Variants in SNTG1 observed in about 807,000 individuals in gnomAD.
SNTG1 encodes syntrophin gamma 1, also known as gamma-1-syntrophin.
A neutral mutation model predicts 74.7 loss-of-function variants in SNTG1; 39 were observed. That is an observed-to-expected ratio of 0.52 (90% CI 0.40 to 0.68). The LOEUF is 0.68. SNTG1 is among the 30% of genes least tolerant of loss of function. The probability of loss-of-function intolerance (pLI) is 0.00; values close to 1 mark genes in which losing one functional copy is unlikely to be tolerated. For missense variants in SNTG1, 685 were observed against 609.5 expected (o/e 1.12, Z -1.30); for synonymous variants, 254 against 217.1 (o/e 1.17, Z -1.49).
chr8:50,167,438 A>G (rs377572276), intron 1 of SNTG1, among the ~76,000 whole-genome samples: 1 of 151,770 alleles, frequency 6.6e-6, no homozygotes, highest in Admixed American at 6.6e-5. Context: ...AAAACCTTTC[A>G]TATCACATTC....
At chr8:50,736,612 A>C (rs1298245845) in intron 17 of SNTG1, among the ~76,000 whole-genome samples, 1 of 152,128 alleles carries the variant, frequency 6.6e-6, no homozygotes, top group Non-Finnish European at 1.5e-5. Context: ...CCCCAAATCA[A>C]CAGAAGATAC....
At chr8:50,232,334 T>C (rs2085671757) in intron 2 of SNTG1, among the ~76,000 whole-genome samples, 1 of 151,322 alleles carries the variant, frequency 6.6e-6, no homozygotes, top group South Asian at 2.1e-4. Flanking sequence ...TTTATCAGGC[T>C]AAAAGGAAAA....
chr8:50,272,562 G>A (rs542953597), intron 2 of SNTG1, among the ~76,000 whole-genome samples: 3 of 152,228 alleles, frequency 2.0e-5, no homozygotes, highest in African/African-American at 7.2e-5. Context: ...CTTGCTTGAC[G>A]GGTATAGATG....
chr8:50,004,710 G>C (rs547388037), intron 1 of SNTG1, among the ~76,000 whole-genome samples: 1 of 152,302 alleles, frequency 6.6e-6, no homozygotes, highest in East Asian at 1.9e-4. Context: ...GATTTCTGGA[G>C]CCTTTAGAGA....
intron 9 of SNTG1, among the ~76,000 whole-genome samples, chr8:50,509,301 C>T (rs1430025611): frequency 1.3e-5 from 2 of 152,142 alleles, no homozygotes; most frequent in Admixed American, 1.3e-4. Context: ...GGTACCAGTA[C>T]CATGCTGTTT....
intron 2 of SNTG1, among the ~76,000 whole-genome samples, chr8:50,284,000 T>A (rs2088619995): frequency 6.6e-6 from 1 of 152,098 alleles, no homozygotes; most frequent in Non-Finnish European, 1.5e-5. Context: ...TGCATACTTA[T>A]TCAGATTTCA....
At position 50,362,769 on chromosome 8, in the gene SNTG1, T is replaced by C. The variant is rs138139975; in HGVS notation, c.-27-31443T>C. On this transcript the variant is annotated intron_variant, in intron 2 of 18. Coordinates refer to ENST00000642720, the MANE Select transcript of SNTG1 (RefSeq NM_018967.5). ...ATATCAGGTGCTATGCTTTGTTATA[T>C]ATGGTGAGTTTTATGGGAAGTATAC... Among the ~76,000 whole-genome samples, 434 of 152,280 alleles carry C rather than the reference T, an allele frequency of 2.9e-3. 3 individuals are homozygous for C. The highest frequency in any genetic ancestry group is 9.9e-3 in the African/African-American group (413 of 41,564).
intron 15 of SNTG1, among the ~76,000 whole-genome samples, chr8:50,703,781 G>T (rs2095434262): frequency 1.3e-5 from 2 of 152,046 alleles, no homozygotes; most frequent in South Asian, 4.1e-4. Context: ...CATTACAACG[G>T]CTATGACATT....
At chr8:50,308,895 G>GT (rs1268515152) in intron 2 of SNTG1, among the ~76,000 whole-genome samples, 4 of 150,324 alleles carry the variant, frequency 2.7e-5, no homozygotes, top group African/African-American at 9.8e-5. Context: ...TACAAATGAT[G>GT]TTTTGTTTTT....
chr8:50,401,430 AC>A (rs1348327845), intron 3 of SNTG1, among the ~76,000 whole-genome samples: 1 of 152,210 alleles, frequency 6.6e-6, no homozygotes, highest in Non-Finnish European at 1.5e-5. Context: ...AGAAATCTTT[AC>A]AGTCTGTTTT....
chr8:50,385,088 C>A (rs572677263), intron 2 of SNTG1, among the ~76,000 whole-genome samples: 1 of 152,258 alleles, frequency 6.6e-6, no homozygotes, highest in South Asian at 2.1e-4. Context: ...CAGGGACATG[C>A]CAAAGGCTCT....
intron 2 of SNTG1, among the ~76,000 whole-genome samples, chr8:50,181,239 C>T (rs1439277126): frequency 1.3e-5 from 2 of 152,238 alleles, no homozygotes; most frequent in Non-Finnish European, 2.9e-5. Flanking sequence ...TGCTTTTACA[C>T]ATGCCCCATC....
chr8:50,217,369 C>A (rs1317681644), intron 2 of SNTG1, among the ~76,000 whole-genome samples: 1 of 151,888 alleles, frequency 6.6e-6, no homozygotes, highest in Non-Finnish European at 1.5e-5. Flanking sequence ...AGGGATAAAG[C>A]ACTATATATA....
chr8:50,459,650 A>G (rs540489741), intron 8 of SNTG1, among the ~76,000 whole-genome samples: 2 of 152,202 alleles, frequency 1.3e-5, no homozygotes, highest in South Asian at 4.2e-4. Context: ...TTACTCAACA[A>G]TAAGTTGTTC....
intron 2 of SNTG1, among the ~76,000 whole-genome samples, chr8:50,352,841 G>A (rs1239969152): frequency 1.3e-5 from 2 of 152,172 alleles, no homozygotes; most frequent in African/African-American, 2.4e-5. Context: ...TTGGAAGACA[G>A]TGTGTCAATT....
chr8:50,031,684 G>A (rs1817749971), intron 1 of SNTG1, among the ~76,000 whole-genome samples: 1 of 152,012 alleles, frequency 6.6e-6, no homozygotes, highest in Non-Finnish European at 1.5e-5. Flanking sequence ...AACTACCCTT[G>A]GATGTAGTGT....
intron 2 of SNTG1, among the ~76,000 whole-genome samples, chr8:50,377,326 C>T (rs1054585803): frequency 6.6e-6 from 1 of 152,132 alleles, no homozygotes; most frequent in Non-Finnish European, 1.5e-5. Context: ...TTTCTGTGCA[C>T]ATGGGAAAGT....
At chr8:50,561,102 T>C (rs1055866883) in intron 12 of SNTG1, among the ~76,000 whole-genome samples, 1 of 152,032 alleles carries the variant, frequency 6.6e-6, no homozygotes, top group Admixed American at 6.6e-5. Context: ...TGGTGTGAGG[T>C]GATTGGATCA....
At chr8:49,941,492 AT>A (rs1193331007) in intron 1 of SNTG1, among the ~76,000 whole-genome samples, 1 of 148,130 alleles carries the variant, frequency 6.8e-6, no homozygotes, top group Non-Finnish European at 1.5e-5. Context: ...TATATACATT[AT>A]ATATTTATAT....
Sources: allele counts gnomAD v4.1 joint callset (sites outside exome capture counted in the v4.1 genomes callset), GRCh38; gene constraint gnomAD v4.1.1; transcripts MANE v1.5; gene names NCBI Gene and HGNC (gene_info 2026-07-23, HGNC 2026-07-21).